Variants in FER1L6 observed in about 807,000 individuals in gnomAD.
The protein encoded by FER1L6 is fer-1-like protein 6.
In FER1L6, 177 loss-of-function variants were observed where a neutral mutation model predicts 219.2. The observed-to-expected ratio is 0.81, with a 90% CI of 0.71 to 0.91. FER1L6 has a LOEUF of 0.91. Ranked by LOEUF, FER1L6 falls within the 40% of genes least tolerant of loss-of-function variation. The pLI, the probability that FER1L6 is intolerant of heterozygous loss-of-function variation, is 0.00. For synonymous variants in FER1L6, 768 were observed against 824.3 expected, an observed-to-expected ratio of 0.93 and a Z score of 1.17; for missense variants, 2,153 against 2,259.9, an observed-to-expected ratio of 0.95 and a Z score of 0.96.
intron 10 of FER1L6, among the ~76,000 whole-genome samples, chr8:123,978,947 C>A (rs941497317): frequency 6.6e-6 from 1 of 152,136 alleles, no homozygotes; most frequent in African/African-American, 2.4e-5. Flanking sequence ...TTATTTACAA[C>A]CTTTTAGGAA....
intron 14 of FER1L6, among the ~76,000 whole-genome samples, chr8:124,011,909 C>A (rs1817951524): frequency 6.6e-6 from 1 of 151,970 alleles, no homozygotes; most frequent in Non-Finnish European, 1.5e-5. Context: ...ACGTGATAGC[C>A]ACTAAATAAT....
intron 33 of FER1L6, among the ~76,000 whole-genome samples, chr8:124,089,350 TC>T (rs141764603): frequency 1.0e-3 from 158 of 152,304 alleles, no homozygotes; most frequent in Non-Finnish European, 1.1e-3. Flanking sequence ...AGTGCACAGA[TC>T]CTCTCTCCAT....
chr8:123,983,000 G>T (rs1156480647), intron 11 of FER1L6, among the ~76,000 whole-genome samples: 1 of 152,186 alleles, frequency 6.6e-6, no homozygotes, highest in Non-Finnish European at 1.5e-5. Context: ...TGTTAGAAAT[G>T]AATCATTTAG....
intron 22 of FER1L6, among the ~76,000 whole-genome samples, chr8:124,057,585 C>T (rs1053473067): frequency 5.9e-5 from 9 of 152,120 alleles, no homozygotes; most frequent in African/African-American, 1.2e-4. Context: ...TTTCTCTTCT[C>T]TCCCTTTTCT....
At chr8:123,984,023 T>G (rs993658779) in intron 11 of FER1L6, 5 of 152,202 alleles carry the variant, frequency 3.3e-5, no homozygotes, top group African/African-American at 1.2e-4. Context: ...TTTAGCAGCT[T>G]GAGGAGCCAA....
At chr8:123,980,125 TC>T (rs963501785) in intron 10 of FER1L6, among the ~76,000 whole-genome samples, 17 of 152,344 alleles carry the variant, frequency 1.1e-4, no homozygotes, top group Non-Finnish European at 2.2e-4. Flanking sequence ...TGCTTTGTTC[TC>T]CAGCAGGCTC....
In FER1L6 at chr8:123,852,581, A is replaced by G. The variant is rs1257686014; in HGVS notation, c.-8+396A>G. Among the ~76,000 whole-genome samples, 1 of 152,082 alleles carries G rather than the reference A, an allele frequency of 6.6e-6. No individual in the cohort carries two copies. The highest frequency in any genetic ancestry group is 1.5e-5 in the Non-Finnish European group (1 of 68,020). Reference sequence around the variant, plus strand: ...ATTTTGGGGGATTATAGAGACAAAAAGCATGAGGAAGTTGCCTCAGGAACT... The same window carrying G: ...ATTTTGGGGGATTATAGAGACAAAAGGCATGAGGAAGTTGCCTCAGGAACT... On this transcript the variant is annotated intron_variant, in intron 1 of 40. Coordinates refer to ENST00000522917, the MANE Select transcript of FER1L6 (RefSeq NM_001039112.2). This position sits in a 1 kb window ranked among gnomAD's most constrained non-coding sequence, Gnocchi z 4.9.
In FER1L6 at chr8:124,119,656, T is replaced by C. The variant is rs1433398738; in HGVS notation, c.5440T>C (p.Tyr1814His). Reference protein sequence around the residue: ...SWFMSPFKCLYYLIWKNYKKY... With the variant: ...SWFMSPFKCLHYLIWKNYKKY... ...GTTCATGAGCCCCTTTAAGTGCCTG[T>C]ACTACCTCATCTGGAAGAATTACAA... is the stretch of plus-strand genomic sequence containing the variant. Residue 1814 changes from tyrosine to histidine, a missense_variant, in exon 41 of 41, where the codon TAC (tyrosine) becomes CAC (histidine). By Grantham distance (83) the Tyr-to-His change is moderately conservative (BLOSUM62 2). Coordinates refer to ENST00000522917, the MANE Select transcript of FER1L6 (RefSeq NM_001039112.2). 3.1e-6 allele frequency: 5 copies of C among 1,613,798 alleles called. No individual in the cohort carries two copies. The highest frequency in any genetic ancestry group is 3.4e-6 in the Non-Finnish European group (4 of 1,179,812).
chr8:124,050,588 T>G lies in FER1L6; in HGVS notation c.2874+832T>G, dbSNP rs150721718. 2.8e-3 allele frequency among the ~76,000 whole-genome samples: 420 copies of G among 152,260 alleles called. 2 individuals carry two copies. The highest frequency in any genetic ancestry group is 9.8e-3 in the African/African-American group (408 of 41,538). ...CGCCTTTTAGTCAGATCAATACCTCTATCTTAGGCGCTTAGGCTGCTATTA... is the reference window on the plus strand; with the variant it reads ...CGCCTTTTAGTCAGATCAATACCTCGATCTTAGGCGCTTAGGCTGCTATTA... On this transcript the variant is annotated intron_variant, in intron 22 of 40. Coordinates refer to ENST00000522917, the MANE Select transcript of FER1L6 (RefSeq NM_001039112.2).
chr8:124,097,642 G>A, intron 36 of FER1L6, 143 bp from the exon 37 acceptor site: 1 of 619,646 alleles, frequency 1.6e-6, no homozygotes, highest in South Asian at 2.0e-5. Context: ...GGTTCTGACA[G>A]AACCAAGCCC....
At chr8:124,017,408 T>C (rs1386631391) in intron 15 of FER1L6, among the ~76,000 whole-genome samples, 1 of 152,228 alleles carries the variant, frequency 6.6e-6, no homozygotes, top group Non-Finnish European at 1.5e-5. Context: ...AAAAAAAATC[T>C]GTTCCCCAAA....
intron 2 of FER1L6, among the ~76,000 whole-genome samples, chr8:123,961,110 A>T (rs1468028277): frequency 6.6e-6 from 1 of 151,962 alleles, no homozygotes; most frequent in Non-Finnish European, 1.5e-5. Flanking sequence ...AACAAGAAAA[A>T]ATTCACCGGT....
intron 1 of FER1L6, among the ~76,000 whole-genome samples, chr8:123,950,107 C>A (rs745406936): frequency 1.3e-5 from 2 of 152,158 alleles, no homozygotes; most frequent in African/African-American, 4.8e-5. Flanking sequence ...CCATTTTCTT[C>A]GGCGCCCAGG....
rs752537718 is a variant in FER1L6 at position 124,045,790 on chromosome 8, G to C, written c.2613G>C (p.Pro871=). The C allele has an allele frequency of 4.3e-6, 7 of 1,613,820 alleles. No individual in the cohort carries two copies. Among genetic ancestry groups the C allele is most frequent in the Non-Finnish European group, 5.9e-6 (7 of 1,179,984 alleles). Residue 871 remains proline, a synonymous_variant, in exon 21 of 41, where the codon CCG becomes CCC. Transcript: ENST00000522917. ...TTKIISQTLS[P]TWNQMLLFND... is the part of the protein sequence containing the mutation. ...AGATAATCTCCCAGACCCTCTCTCC[G>C]ACCTGGAACCAGATGCTGCTGTTCA...
intron 22 of FER1L6, among the ~76,000 whole-genome samples, chr8:124,054,227 C>T (rs113469347): frequency 3.9e-5 from 6 of 152,136 alleles, no homozygotes; most frequent in Non-Finnish European, 8.8e-5. Flanking sequence ...TTGGTGTTAC[C>T]ACCCCTCTCT....
At chr8:124,013,377 C>G (rs1335726569) in intron 14 of FER1L6, 54 bp from the exon 15 acceptor site, 2 of 1,061,690 alleles carry the variant, frequency 1.9e-6, no homozygotes, top group Non-Finnish European at 2.7e-6. Flanking sequence ...AGTATCTCTA[C>G]TACCAATCTC....
chr8:123,857,865 G>A (rs545347007), intron 1 of FER1L6, among the ~76,000 whole-genome samples: 184 of 152,272 alleles, frequency 1.2e-3, no homozygotes, highest in Non-Finnish European at 1.9e-3. Context: ...TAATTTATAT[G>A]TTCACGTCTG....
At chr8:124,028,097 C>T (rs1818788693) in intron 18 of FER1L6, among the ~76,000 whole-genome samples, 1 of 152,178 alleles carries the variant, frequency 6.6e-6, no homozygotes, top group Non-Finnish European at 1.5e-5. Context: ...TGTATCCTGG[C>T]ACTATTTAAA....
chr8:124,043,057 G>T (rs1175582913), intron 20 of FER1L6, among the ~76,000 whole-genome samples: 3 of 152,186 alleles, frequency 2.0e-5, no homozygotes, highest in African/African-American at 7.2e-5. Context: ...CCAGGCTGGG[G>T]CTTAGTCCTG....
Sources: allele counts gnomAD v4.1 joint callset (sites outside exome capture counted in the v4.1 genomes callset), GRCh38; gene constraint gnomAD v4.1.1; non-coding constraint Gnocchi (gnomAD v3.1); transcripts MANE v1.5; gene names NCBI Gene and HGNC (gene_info 2026-07-23, HGNC 2026-07-21).